The following GAL3ST2 variants were observed in gnomAD, a reference collection of about 807,000 sequenced individuals.
GAL3ST2 encodes galactose-3-O-sulfotransferase 2, also known as beta-galactose-3-O-sulfotransferase 2.
A neutral mutation model predicts 12.9 loss-of-function variants in GAL3ST2; 16 were observed. That is an observed-to-expected ratio of 1.24 (90% CI 0.84 to 1.88). The LOEUF is 1.88. GAL3ST2 is among the 40% of genes most tolerant of loss of function. The pLI, the probability that GAL3ST2 is intolerant of heterozygous loss-of-function variation, is 0.00. For synonymous variants in GAL3ST2, 302 were observed against 273.9 expected, an observed-to-expected ratio of 1.10 and a Z score of -1.01; for missense variants, 639 against 571.8, an observed-to-expected ratio of 1.12 and a Z score of -1.20.
chr2:241,786,139 T>TTGTG lies in GAL3ST2; in HGVS notation c.29+9183_29+9186dup, dbSNP rs141438054. The stretch of plus-strand genomic sequence containing the variant: ...ATCTTTCTCCCCCACCACACACCTT[T>TTGTG]TGTGTGTGTGTGTGTGTGTGTGTGT... On this transcript the variant is annotated intron_variant, in intron 1 of 3. Coordinates refer to ENST00000192314, the MANE Select transcript of GAL3ST2 (RefSeq NM_022134.3). Among the ~76,000 whole-genome samples the TTGTG allele has an allele frequency of 9.7e-3, 1,419 of 145,894 alleles. 17 individuals are homozygous for TTGTG. The highest frequency in any genetic ancestry group is 0.027 in the African/African-American group (1,042 of 39,226).
At chr2:241,788,318 T>C (rs891793725) in intron 1 of GAL3ST2, among the ~76,000 whole-genome samples, 2 of 152,122 alleles carry the variant, frequency 1.3e-5, no homozygotes, top group Non-Finnish European at 2.9e-5. Context: ...TCGGCGTGTA[T>C]AATGGCAGAT....
Position 241,795,382 on chromosome 2 carries a change from G to T in GAL3ST2, c.30-3683G>T, listed in dbSNP as rs1258962521. ...TCATGCTGCCGCAAGGCCAAGGGGG[G>T]TATTGTAAGTGTGAAAGCAGCATCT... On this transcript the variant is annotated intron_variant, in intron 1 of 3. Coordinates refer to ENST00000192314, the MANE Select transcript of GAL3ST2 (RefSeq NM_022134.3). This position sits in a 1 kb window ranked among gnomAD's most constrained non-coding sequence, Gnocchi z 4.5. Among the ~76,000 whole-genome samples, 3 of 152,244 alleles carry T rather than the reference G, an allele frequency of 2.0e-5. No individual in the cohort carries two copies. Among genetic ancestry groups the T allele is most frequent in the African/African-American group, 7.2e-5 (3 of 41,466 alleles).
At position 241,803,414 on chromosome 2, in the gene GAL3ST2, T is replaced by G; in HGVS notation, c.445T>G (p.Ser149Ala). The G allele has an allele frequency of 6.2e-7, 1 of 1,611,538 alleles. No homozygotes were observed. The highest frequency in any genetic ancestry group is 8.5e-7 in the Non-Finnish European group (1 of 1,178,996). ...GAGGAACCCCGTGTTCCAGCTGGAGTCCTCCTTCATCTACTACAAAACCTA... is the reference window on the plus strand; with the variant it reads ...GAGGAACCCCGTGTTCCAGCTGGAGGCCTCCTTCATCTACTACAAAACCTA... ...ILRNPVFQLE[S>A]SFIYYKTYAP... The change falls in exon 4 of 4, where the codon TCC (serine) becomes GCC (alanine). Residue 149 changes from serine (S) to alanine (A), a missense_variant. Coordinates refer to ENST00000192314, the MANE Select transcript of GAL3ST2 (RefSeq NM_022134.3).
chr2:241,782,807 C>A (rs749304618), intron 1 of GAL3ST2, among the ~76,000 whole-genome samples: 2 of 152,094 alleles, frequency 1.3e-5, no homozygotes, highest in Non-Finnish European at 2.9e-5. Flanking sequence ...TTTAAAAGTG[C>A]ATACAGAGAG....
Position 241,803,883 on chromosome 2 carries a change from G to GGGAGGTGGAGCGGCTGCGCGC in GAL3ST2, c.915_935dup (p.Glu306_Ala312dup). ...GAGCTGGGGCCGCGGCGGCTGCGCG[G>GGGAGGTGGAGCGGCTGCGCGC]GGAGGTGGAGCGGCTGCGCGCCCGG... On this transcript the variant is annotated inframe_insertion, in exon 4 of 4. Coordinates refer to ENST00000192314, the MANE Select transcript of GAL3ST2 (RefSeq NM_022134.3). 2 of 1,420,856 alleles carry GGGAGGTGGAGCGGCTGCGCGC rather than the reference G, an allele frequency of 1.4e-6. No homozygotes were observed. The highest frequency in any genetic ancestry group is 3.6e-5 in the Admixed American group (1 of 27,630). The allele number at this position is 1,420,856 out of a possible 1,614,324, so 88.0% of individuals were successfully genotyped here. A position where few individuals can be genotyped will look rare whatever the true frequency, so the allele number is the denominator to read the frequency against.
At chr2:241,780,975 G>A (rs7573250) in intron 1 of GAL3ST2, among the ~76,000 whole-genome samples, 25,348 of 152,236 alleles carry the variant, frequency 0.17, 2,633 homozygotes, top group African/African-American at 0.3. Flanking sequence ...AAAGCTCACC[G>A]TTCCAGTCAG....
At chr2:241,777,600 C>T (rs971297617) in intron 1 of GAL3ST2, among the ~76,000 whole-genome samples, 5 of 152,184 alleles carry the variant, frequency 3.3e-5, no homozygotes, top group South Asian at 2.1e-4. Context: ...AGTTTGAAGC[C>T]GTCCCTGCGC....
chr2:241,793,426 ATT>A lies in GAL3ST2; in HGVS notation c.30-5638_30-5637del, dbSNP rs1699723826. On this transcript the variant is annotated intron_variant, in intron 1 of 3. Transcript: ENST00000192314. The surrounding 1 kb of genome is among the most constrained non-coding windows in gnomAD (Gnocchi z 4.7). ...TGTATGTATACATGTACGTGTGTAT[ATT>A]GTGTACGTGTATGTATGTACTGTGT... 6.6e-6 allele frequency among the ~76,000 whole-genome samples: 1 copy of A among 151,090 alleles called. No individual in the cohort carries two copies. Among genetic ancestry groups the A allele is most frequent in the South Asian group, 2.1e-4 (1 of 4,782 alleles).
chr2:241,786,802 C>T (rs1331019376), intron 1 of GAL3ST2, among the ~76,000 whole-genome samples: 2 of 152,118 alleles, frequency 1.3e-5, no homozygotes, highest in Non-Finnish European at 2.9e-5. Context: ...CATCTCCACC[C>T]AGAATCCCTC....
Position 241,802,051 on chromosome 2 carries a change from C to T in GAL3ST2, c.375+15C>T, listed in dbSNP as rs1179892130. On this transcript the variant is annotated intron_variant, in intron 3 of 3. Transcript: ENST00000192314. The surrounding 1 kb of genome is among the most constrained non-coding windows in gnomAD (Gnocchi z 4.8). ...ACCTGCCTCAGGTACCGCGGGCCTG[C>T]TGGGGAGGAGGGCGGGCTGCAGCCG... The T allele has an allele frequency of 6.2e-7, 1 of 1,600,268 alleles. No homozygotes were observed. Among genetic ancestry groups the T allele is most frequent in the Admixed American group, 1.7e-5 (1 of 58,252 alleles).
chr2:241,776,967 G>A lies in GAL3ST2; in HGVS notation c.12G>A (p.Met4Ile). The change falls in exon 1 of 4, where the codon ATG becomes ATA. Residue 4 changes from methionine to isoleucine, a missense_variant. By Grantham distance (10) the Met-to-Ile change is conservative. Coordinates refer to ENST00000192314, the MANE Select transcript of GAL3ST2 (RefSeq NM_022134.3). ...GGCCAGAGGCCAAGATGATGTCCATGCTGGGCGGCTTGCAGAGGTAAGGGG... is the reference window on the plus strand; with the variant it reads ...GGCCAGAGGCCAAGATGATGTCCATACTGGGCGGCTTGCAGAGGTAAGGGG... MMS[M>I]LGGLQRYFRV... The A allele has an allele frequency of 6.4e-7, 1 of 1,552,076 alleles. No individual in the cohort carries two copies.
chr2:241,779,274 C>T (rs1401733714), intron 1 of GAL3ST2, among the ~76,000 whole-genome samples: 1 of 125,146 alleles, frequency 8.0e-6, no homozygotes, highest in Non-Finnish European at 1.6e-5. Context: ...CGCTCTCTCT[C>T]CCAGTCTGGA....
At chr2:241,799,287 C>T (rs1000917836) in intron 2 of GAL3ST2, 133 bp downstream of exon 2, 175 of 824,994 alleles carry the variant, frequency 2.1e-4, no homozygotes, top group Non-Finnish European at 4.6e-5. Flanking sequence ...GTGGATGGGC[C>T]CTTCCTTGGG....
chr2:241,792,019 T>A (rs529987620), intron 1 of GAL3ST2, among the ~76,000 whole-genome samples: 2 of 150,736 alleles, frequency 1.3e-5, no homozygotes, highest in East Asian at 3.9e-4. Context: ...TCTTTCTTTT[T>A]TTTTTTTTTC....
rs200308140 is a variant in GAL3ST2 at position 241,801,961 on chromosome 2, G to A, written c.300G>A (p.Ala100=). 2.6e-5 allele frequency: 42 copies of A among 1,613,034 alleles called. No individual in the cohort carries two copies. In the East Asian group the frequency reaches 7.6e-4, roughly 29 times the overall value. ...TGGGCTACCCCTGGCTCTTCCTGGC[G>A]CGCTACGTGGAAGGCGTGGGGTCGC... ...VHLGYPWLFL[A]RYVEGVGSQQ... is the part of the protein sequence containing the mutation. Residue 100 remains alanine, a synonymous_variant, in exon 3 of 4, where the codon GCG becomes GCA. Coordinates refer to ENST00000192314, the MANE Select transcript of GAL3ST2 (RefSeq NM_022134.3). The surrounding 1 kb of genome is among the most constrained non-coding windows in gnomAD (Gnocchi z 4.4).
intron 1 of GAL3ST2, among the ~76,000 whole-genome samples, chr2:241,777,264 C>T (rs528286539): frequency 1.2e-4 from 18 of 152,310 alleles, no homozygotes; most frequent in African/African-American, 3.4e-4. Context: ...TGGAGACGCT[C>T]GAGTGTCCGC....
intron 1 of GAL3ST2, among the ~76,000 whole-genome samples, chr2:241,788,025 TC>T (rs1699649246): frequency 6.6e-6 from 1 of 152,172 alleles, no homozygotes; most frequent in Admixed American, 6.5e-5. Context: ...AAAGCAATTG[TC>T]CCTTCATTTA....
chr2:241,799,149 C>T lies in GAL3ST2; in HGVS notation c.114C>T (p.Asp38=). The part of the protein sequence containing the change: ...AGFLHSDLEL[D]TPLFGGQAEG... Reference sequence around the variant, plus strand: ...TCCTGCACTCGGACTTAGAGCTGGACACACCGTAAGTCCTGCCCCCACCAT... The same window carrying T: ...TCCTGCACTCGGACTTAGAGCTGGATACACCGTAAGTCCTGCCCCCACCAT... Residue 38 remains aspartate, a synonymous_variant, in exon 2 of 4, where the codon GAC becomes GAT. Coordinates refer to ENST00000192314, the MANE Select transcript of GAL3ST2 (RefSeq NM_022134.3). 2 of 1,613,548 alleles carry T rather than the reference C, an allele frequency of 1.2e-6. No individual in the cohort carries two copies. Among genetic ancestry groups the T allele is most frequent in the Non-Finnish European group, 1.7e-6 (2 of 1,179,796 alleles).
In GAL3ST2 at chr2:241,803,721, T is replaced by C; in HGVS notation, c.752T>C (p.Phe251Ser). 1.3e-6 allele frequency: 2 copies of C among 1,540,692 alleles called. No individual in the cohort carries two copies. The highest frequency in any genetic ancestry group is 4.0e-5 in the Admixed American group (2 of 50,312). ...LRWALDDVVA[F>S]RLNSRSARSV... is the part of the protein sequence containing the mutation. ...TGGGCGCTGGACGACGTGGTGGCCT[T>C]CAGGCTCAACTCCCGCAGCGCGCGC... Residue 251 changes from phenylalanine to serine, a missense_variant, in exon 4 of 4, where the codon TTC becomes TCC. By Grantham distance (155) the Phe-to-Ser change is radical. Coordinates refer to ENST00000192314, the MANE Select transcript of GAL3ST2 (RefSeq NM_022134.3).
Sources: allele counts gnomAD v4.1 joint callset (sites outside exome capture counted in the v4.1 genomes callset), GRCh38; gene constraint gnomAD v4.1.1; non-coding constraint Gnocchi (gnomAD v3.1); transcripts MANE v1.5; gene names NCBI Gene and HGNC (gene_info 2026-07-23, HGNC 2026-07-21).